The following ANKRD44 variants were observed in gnomAD, a reference collection of about 807,000 sequenced individuals.
ANKRD44 encodes the protein ankyrin repeat domain 44.
In ANKRD44, 35 loss-of-function variants were observed where a neutral mutation model predicts 116.0. That is an observed-to-expected ratio of 0.30 (90% CI 0.23 to 0.40). The LOEUF is 0.40. ANKRD44 is among the 10% of genes least tolerant of loss of function. The pLI, the probability that ANKRD44 is intolerant of heterozygous loss-of-function variation, is 1.00. For missense variants in ANKRD44, 1,014 were observed against 1,242.6 expected (o/e 0.82, Z 2.77); for synonymous variants, 435 against 461.8 (o/e 0.94, Z 0.74).
chr2:197,270,184 G>A (rs572115753), intron 1 of ANKRD44, among the ~76,000 whole-genome samples: 1 of 152,128 alleles, frequency 6.6e-6, no homozygotes, highest in Non-Finnish European at 1.5e-5. Context: ...TGTGTGGCTG[G>A]AGCAGGGATT....
At chr2:196,985,664 A>G (rs527785471), downstream of ANKRD44, among the ~76,000 whole-genome samples, 4 of 152,328 alleles carry the variant, frequency 2.6e-5, no homozygotes, top group African/African-American at 9.6e-5. Flanking sequence ...TCTTCCTGAA[A>G]GAGCTGGTGA....
chr2:197,229,110 A>G (rs536998846), intron 1 of ANKRD44, among the ~76,000 whole-genome samples: 1 of 152,242 alleles, frequency 6.6e-6, no homozygotes, highest in Non-Finnish European at 1.5e-5. Context: ...CACTGATCCT[A>G]CTGATGTGTT....
chr2:197,007,872 C>T lies in ANKRD44; in HGVS notation c.2064G>A (p.Leu688=). The T allele has an allele frequency of 6.2e-7, 1 of 1,614,036 alleles. No individual in the cohort carries two copies. Among genetic ancestry groups the T allele is most frequent in the South Asian group, 1.1e-5 (1 of 91,074 alleles). The change falls in exon 20 of 28, where the codon TTG becomes TTA. Residue 688 remains leucine (L), a synonymous_variant. Coordinates refer to ENST00000282272, the MANE Select transcript of ANKRD44 (RefSeq NM_001195144.2). ...VAYGHIDAVS[L]LLEKEANVDT... is the part of the protein sequence containing the mutation. Reference sequence around the variant, plus strand: ...CTACGTTGGCTTCCTTTTCAAGTAACAATGAAACAGCGTCAATATGTCCAT... The same window carrying T: ...CTACGTTGGCTTCCTTTTCAAGTAATAATGAAACAGCGTCAATATGTCCAT...
intron 1 of ANKRD44, among the ~76,000 whole-genome samples, chr2:197,246,792 A>G (rs2082203350): frequency 6.6e-6 from 1 of 152,050 alleles, no homozygotes; most frequent in South Asian, 2.1e-4. Flanking sequence ...GGTACGTACA[A>G]TATTATTGTT....
chr2:197,239,264 T>C lies in ANKRD44; in HGVS notation c.28-52158A>G, dbSNP rs148747512. Among the ~76,000 whole-genome samples the C allele has an allele frequency of 3.2e-3, 494 of 152,282 alleles. 1 individual carries two copies. Among genetic ancestry groups the C allele is most frequent in the Non-Finnish European group, 4.6e-3 (310 of 68,006 alleles). ...TAGAAAAAATTGTCCTTTTTTCTCT[T>C]TGAGACATGGTCTCAGTCACCCAGG... On this transcript the variant is annotated intron_variant, in intron 1 of 27. Coordinates refer to ENST00000282272, the MANE Select transcript of ANKRD44 (RefSeq NM_001195144.2).
At chr2:197,216,550 G>A (rs547273597) in intron 1 of ANKRD44, among the ~76,000 whole-genome samples, 2 of 152,276 alleles carry the variant, frequency 1.3e-5, no homozygotes, top group South Asian at 4.1e-4. Flanking sequence ...AGGGCTGGGT[G>A]CATTATCCAG....
chr2:197,156,103 T>C (rs1406468137), intron 2 of ANKRD44, among the ~76,000 whole-genome samples: 1 of 152,154 alleles, frequency 6.6e-6, no homozygotes, highest in Non-Finnish European at 1.5e-5. Flanking sequence ...TCCCATCACT[T>C]TGGGAGGCCA....
At chr2:197,062,391 T>G (rs1367324504) in intron 16 of ANKRD44, among the ~76,000 whole-genome samples, 1 of 152,228 alleles carries the variant, frequency 6.6e-6, no homozygotes, top group African/African-American at 2.4e-5. Context: ...TTAAGCGCAT[T>G]GATTTTTACT....
intron 21 of ANKRD44, among the ~76,000 whole-genome samples, chr2:196,968,774 T>C (rs1357637323): frequency 1.3e-5 from 2 of 152,236 alleles, no homozygotes; most frequent in Non-Finnish European, 2.9e-5. Flanking sequence ...GTCACATTAA[T>C]AGCTATCATC....
chr2:197,103,194 C>G (rs905524084), intron 9 of ANKRD44, among the ~76,000 whole-genome samples: 1 of 146,836 alleles, frequency 6.8e-6, no homozygotes, highest in African/African-American at 2.5e-5. Context: ...CGCCACTGCG[C>G]TCCAGCCTGG....
chr2:197,226,030 G>T (rs1320612955), intron 1 of ANKRD44, among the ~76,000 whole-genome samples: 1 of 152,150 alleles, frequency 6.6e-6, no homozygotes, highest in African/African-American at 2.4e-5. Flanking sequence ...TTTCCCTGGA[G>T]AATTATCTTA....
chr2:197,269,281 AATAT>A (rs879799035), intron 1 of ANKRD44, among the ~76,000 whole-genome samples: 2,093 of 152,296 alleles, frequency 0.014, 17 homozygotes, highest in Non-Finnish European at 0.02. Flanking sequence ...GGAAAGTTTG[AATAT>A]GGAGATAGGA....
chr2:197,068,631 C>T (rs768090878), intron 16 of ANKRD44, among the ~76,000 whole-genome samples: 3 of 151,984 alleles, frequency 2.0e-5, no homozygotes, highest in Non-Finnish European at 4.4e-5. Flanking sequence ...CAAACAACCC[C>T]ATCAAAAAGT....
At chr2:197,174,055 AAACAAAC>A (rs2080304967) in intron 2 of ANKRD44, among the ~76,000 whole-genome samples, 1 of 152,162 alleles carries the variant, frequency 6.6e-6, no homozygotes, top group African/African-American at 2.4e-5. Flanking sequence ...ATAAATAAAC[AAACAAAC>A]AACTTACAAT....
At chr2:196,984,741 G>T (rs115593843), downstream of ANKRD44, among the ~76,000 whole-genome samples, 386 of 152,282 alleles carry the variant, frequency 2.5e-3, 3 homozygotes, top group African/African-American at 8.8e-3. Flanking sequence ...TCCTTGAAAG[G>T]GTGAGTTCAG....
Position 197,206,576 on chromosome 2 carries a change from G to A in ANKRD44, c.28-19470C>T, listed in dbSNP as rs568357916. 6.6e-5 allele frequency among the ~76,000 whole-genome samples: 10 copies of A among 152,180 alleles called. No homozygotes were observed. In the East Asian group the frequency reaches 1.2e-3, roughly 18 times the overall value. On this transcript the variant is annotated intron_variant, in intron 1 of 27. Transcript: ENST00000282272. ...CACACGCCTGTAATCCCAGCTACTCGGGAGGCTGAGGTAGGAGAATGGCTT... is the reference window on the plus strand; with the variant it reads ...CACACGCCTGTAATCCCAGCTACTCAGGAGGCTGAGGTAGGAGAATGGCTT...
rs73049682 is a variant in ANKRD44, at chr2:197,058,303, A to G, written c.1650+20400T>C. ...GACACCGCAGGTCCCCAAAGTCACC[A>G]AATGTTCAAATCAATATTGCTTGAA... On this transcript the variant is annotated intron_variant, in intron 16 of 27. Transcript: ENST00000282272. 5.1e-3 allele frequency among the ~76,000 whole-genome samples: 772 copies of G among 152,302 alleles called. 11 individuals carry two copies. Among genetic ancestry groups the G allele is most frequent in the African/African-American group, 0.018 (739 of 41,560 alleles).
intron 1 of ANKRD44, among the ~76,000 whole-genome samples, chr2:197,286,288 T>A (rs751077324): frequency 2.0e-5 from 3 of 152,204 alleles, no homozygotes; most frequent in Admixed American, 6.5e-5. Context: ...CTAAATGCTA[T>A]CAAAATAGCA....
chr2:196,983,004 A>C (rs150509248), downstream of ANKRD44, among the ~76,000 whole-genome samples: 895 of 152,220 alleles, frequency 5.9e-3, 6 homozygotes, highest in African/African-American at 0.02. Flanking sequence ...AGGGAGGGGT[A>C]TATCACACAC....
Sources: gnomAD v4.1 joint callset for allele counts (sites outside exome capture counted in the v4.1 genomes callset) on GRCh38, gnomAD v4.1.1 for gene constraint, MANE v1.5 for transcripts, NCBI Gene and HGNC (gene_info 2026-07-23, HGNC 2026-07-21) for gene names.